The following L1CAM variants were observed in gnomAD, a reference collection of about 807,000 sequenced individuals.
L1CAM encodes neural cell adhesion molecule L1.
L1CAM carries 8 observed loss-of-function variants against 93.0 expected under a neutral mutation model. The ratio of observed to expected loss-of-function variants is 0.09; its 90% CI spans 0.05 to 0.16. The LOEUF is 0.16. Ranked by LOEUF, L1CAM falls within the 10% of genes least tolerant of loss-of-function variation. The probability of loss-of-function intolerance (pLI) is 1.00; values close to 1 mark genes in which losing one functional copy is unlikely to be tolerated. For synonymous variants in L1CAM, 453 were observed against 453.0 expected, an observed-to-expected ratio of 1.00 and a Z score of 0.00; for missense variants, 777 against 1,073.4, an observed-to-expected ratio of 0.72 and a Z score of 3.86.
intron 1 of L1CAM, among the ~76,000 whole-genome samples, chrX:153,883,141 TG>T (rs2064854603): frequency 9.0e-6 from 1 of 111,642 alleles, no homozygotes; most frequent in African/African-American, 3.3e-5. Flanking sequence ...GCTGAGTGGC[TG>T]CTGGACAGGG....
intron 1 of L1CAM, among the ~76,000 whole-genome samples, chrX:153,876,821 C>A (rs782769322): frequency 2.4e-4 from 26 of 109,485 alleles, no homozygotes; most frequent in Admixed American, 5.8e-4. Context: ...TGGCGGAACC[C>A]CGTCTCTACT....
chrX:153,875,839 T>G lies in L1CAM; in HGVS notation c.-3A>C. 1 of 1,206,606 alleles carries G rather than the reference T, an allele frequency of 8.3e-7. No individual in the cohort carries two copies. Among genetic ancestry groups the G allele is most frequent in the Non-Finnish European group, 1.1e-6 (1 of 894,269 alleles). ...ACGTACCGCAGCGCCACGACCATCTTTCCCGGCGGCACCGCGCAGCACAGC... is the reference window on the plus strand; with the variant it reads ...ACGTACCGCAGCGCCACGACCATCTGTCCCGGCGGCACCGCGCAGCACAGC... On this transcript the variant is annotated 5_prime_UTR_variant, in exon 2 of 29. Transcript: ENST00000370060.
In L1CAM at chrX:153,865,400, C is replaced by G; in HGVS notation, c.2648G>C (p.Ser883Thr). 4.1e-6 allele frequency: 5 copies of G among 1,211,482 alleles called. No individual in the cohort carries two copies. The highest frequency in any genetic ancestry group is 5.6e-6 in the Non-Finnish European group (5 of 895,201). ...VPANTTSVIL[S>T]GLRPYSSYHL... is the part of the protein sequence containing the mutation. The stretch of plus-strand genomic sequence containing the variant: ...GTAGGAGCTATAGGGCCGCAAGCCA[C>G]TGAGGATGACACTGGTGGTGTTGGC... Residue 883 changes from serine to threonine, a missense_variant, in exon 21 of 29, where the codon AGT becomes ACT. By Grantham distance (58) the Ser-to-Thr change is moderately conservative. This residue lies in a region of L1CAM where 574 missense variants were observed against 781.0 expected (regional missense o/e 0.73). Coordinates refer to ENST00000370060, the MANE Select transcript of L1CAM (RefSeq NM_001278116.2).
chrX:153,878,553 C>G (rs2064827701), intron 1 of L1CAM, among the ~76,000 whole-genome samples: 1 of 112,550 alleles, frequency 8.9e-6, no homozygotes, highest in Non-Finnish European at 1.9e-5. Context: ...CCAGGCAGCA[C>G]TGGCCTCAAC....
At chrX:153,871,012 C>CGCTAACACCCCGACCCCACGA (rs1569544870) in intron 6 of L1CAM, 45 bp downstream of exon 6, 3 of 1,211,197 alleles carry the variant, frequency 2.5e-6, no homozygotes, top group East Asian at 5.9e-5. Flanking sequence ...AAGACACCCC[C>CGCTAACACCCCGACCCCACGA]GCTAACACCC....
At position 153,863,727 on chromosome X, in the gene L1CAM, G is replaced by A. The variant is rs942660453; in HGVS notation, c.3457+156C>T. On this transcript the variant is annotated intron_variant, in intron 26 of 28. Transcript: ENST00000370060. ...ACCACTTGCCTGTTGCCCCAACCCC[G>A]GCCTGGGAGGATGATCCCCCTGCCT... is the stretch of plus-strand genomic sequence containing the variant. 4.3e-5 allele frequency: 39 copies of A among 907,452 alleles called. No individual in the cohort carries two copies. The South Asian group carries it at 6.7e-4, about 16-fold the overall frequency. 74.8% of individuals were successfully genotyped at this position (907,452 alleles called of 1,213,427 possible).
intron 1 of L1CAM, among the ~76,000 whole-genome samples, chrX:153,881,798 T>G (rs1557095737): frequency 9.0e-6 from 1 of 110,735 alleles, no homozygotes; most frequent in East Asian, 2.9e-4. Context: ...TCGAAGGAGA[T>G]ACTGATGCCC....
Position 153,862,744 on chromosome X carries a change from G to A in L1CAM, c.3693C>T (p.Gly1231=). The change falls in exon 29 of 29, where the codon GGC becomes GGT. Residue 1231 remains glycine, a synonymous_variant. Transcript: ENST00000370060. ...EDGSFIGQYS[G]KKEKEAAGGN... ...CCCCTGCCGCCTCCTTCTCCTTCTT[G>A]CCACTGTACTGGCCAATGAACGAAC... The A allele has an allele frequency of 8.3e-7, 1 of 1,212,104 alleles. No individual in the cohort carries two copies. Among genetic ancestry groups the A allele is most frequent in the African/African-American group, 1.7e-5 (1 of 57,964 alleles).
rs1557092690 is a variant in L1CAM, at chrX:153,870,348, C to T, written c.806+40G>A. ...TGAGCTCCCTGCTAGGGCTCCGCCA[C>T]CCTGCCCTGCCCTGCCCTGCCCTGG... On this transcript the variant is annotated intron_variant, in intron 8 of 28. Transcript: ENST00000370060. The T allele has an allele frequency of 5.2e-6, 6 of 1,149,079 alleles. No homozygotes were observed. In the Admixed American group the frequency reaches 1.1e-4, roughly 21 times the overall value. The allele number at this position is 1,149,079 out of a possible 1,213,427, so 94.7% of individuals were successfully genotyped here. A position where few individuals can be genotyped will look rare whatever the true frequency, so the allele number is the denominator to read the frequency against.
chrX:153,869,283 T>A, intron 11 of L1CAM: 1 of 471,777 alleles, frequency 2.1e-6, no homozygotes, highest in Non-Finnish European at 3.7e-6. Context: ...CTTGGTCACA[T>A]CCTGTGGCAC....
chrX:153,874,575 T>G (rs2064798809), intron 2 of L1CAM, among the ~76,000 whole-genome samples: 1 of 112,216 alleles, frequency 8.9e-6, no homozygotes, highest in Non-Finnish European at 1.9e-5. Flanking sequence ...CTCCAAGCCC[T>G]CACTGCCTCC....
At chrX:153,885,926 G>T in intron 1 of L1CAM, 139 bp downstream of exon 1, 2 of 816,080 alleles carry the variant, frequency 2.5e-6, no homozygotes. Flanking sequence ...CATGGGTGGG[G>T]CTCCGGCAGC....
chrX:153,870,644 G>T, intron 7 of L1CAM, 145 bp from the exon 8 acceptor site: 1 of 787,861 alleles, frequency 1.3e-6, no homozygotes, highest in Non-Finnish European at 1.9e-6. Context: ...TGCTCTCGAC[G>T]CCTGGGAAGG....
At position 153,867,788 on chromosome X, in the gene L1CAM, C is replaced by A. The variant is rs1569544729; in HGVS notation, c.1939+12G>T. On this transcript the variant is annotated intron_variant, in intron 16 of 28. Coordinates refer to ENST00000370060, the MANE Select transcript of L1CAM (RefSeq NM_001278116.2). ...AGTGACGGTGGGGTGGCACTGAGCTCAAGCCTCTTACTCTCAATGGGGGCA... is the reference window on the plus strand; with the variant it reads ...AGTGACGGTGGGGTGGCACTGAGCTAAAGCCTCTTACTCTCAATGGGGGCA... The A allele has an allele frequency of 8.4e-7, 1 of 1,196,244 alleles. No individual in the cohort carries two copies.
rs2064728320 is a variant in L1CAM at position 153,867,818 on chromosome X, G to T, written c.1921C>A (p.His641Asn). Residue 641 changes from histidine (H) to asparagine (N), a missense_variant, in exon 16 of 29, where the codon CAC (histidine) becomes AAC (asparagine). His to Asn is a moderately conservative substitution (Grantham distance 68). Transcript: ENST00000370060. Reference sequence around the variant, plus strand: ...CTCTTACTCTCAATGGGGGCATTGTGGTCTTCTGCAGGACTCCAGGACACG... The same window carrying T: ...CTCTTACTCTCAATGGGGGCATTGTTGTCTTCTGCAGGACTCCAGGACACG... ...VRVSWSPAED[H>N]NAPIEKYDIE... 2 of 1,206,138 alleles carry T rather than the reference G, an allele frequency of 1.7e-6. No individual in the cohort carries two copies. Among genetic ancestry groups the T allele is most frequent in the Non-Finnish European group, 2.2e-6 (2 of 892,387 alleles).
chrX:153,875,734 G>C (rs1414948383), intron 2 of L1CAM, 27 bp downstream of exon 2: 1 of 1,177,179 alleles, frequency 8.5e-7, no homozygotes. Context: ...GCGAAGGTAG[G>C]CGCCCAGGCT....
At chrX:153,871,253 AG>A (rs1279453392) in intron 5 of L1CAM, 74 bp from the exon 6 acceptor site, 26 of 238,901 alleles carry the variant, frequency 1.1e-4, no homozygotes, top group Non-Finnish European at 1.6e-4. Context: ...AGGTGGGGGC[AG>A]GGGGGTGGCG....
chrX:153,875,530 C>A lies in L1CAM; in HGVS notation c.76+231G>T, dbSNP rs371688929. On this transcript the variant is annotated intron_variant, in intron 2 of 28. Transcript: ENST00000370060. ...GCTGTCCCTGGTGCTGAAATCGCCC[C>A]GGCGGCCGCGCCTGTCCCTGTCCAT... 3.4e-4 allele frequency: 167 copies of A among 495,392 alleles called. 1 individual carries two copies. The highest frequency in any genetic ancestry group is 1.9e-3 in the East Asian group (50 of 26,950). The allele number at this position is 495,392 out of a possible 1,213,427, so 40.8% of individuals were successfully genotyped here.
At chrX:153,877,656 A>G (rs2064823620) in intron 1 of L1CAM, among the ~76,000 whole-genome samples, 1 of 111,606 alleles carries the variant, frequency 9.0e-6, no homozygotes, top group Non-Finnish European at 1.9e-5. Flanking sequence ...ATGGGGAAGG[A>G]AGCCTTCCCT....
Sources: gnomAD v4.1 joint callset for allele counts (sites outside exome capture counted in the v4.1 genomes callset) on GRCh38, gnomAD v4.1.1 for gene constraint, gnomAD v4.1.1 regional missense constraint, MANE v1.5 for transcripts, NCBI Gene and HGNC (gene_info 2026-07-23, HGNC 2026-07-21) for gene names.